KRT8: variants seen among roughly 807,000 people sequenced by gnomAD.
The protein encoded by KRT8 is keratin, type II cytoskeletal 8.
Under a neutral mutation model 43.0 loss-of-function variants are expected in KRT8, and 24 were observed. That is an observed-to-expected ratio of 0.56 (90% CI 0.40 to 0.78). The LOEUF is 0.78. Ranked by LOEUF, KRT8 falls within the 30% of genes least tolerant of loss-of-function variation. The pLI, the probability that KRT8 is intolerant of heterozygous loss-of-function variation, is 0.00. For missense variants in KRT8, 492 were observed against 638.4 expected (o/e 0.77, Z 2.47); for synonymous variants, 214 against 261.2 (o/e 0.82, Z 1.74).
chr12:52,908,823 A>T (rs1040936500), upstream of KRT8, among the ~76,000 whole-genome samples: 1 of 152,108 alleles, frequency 6.6e-6, no homozygotes, highest in African/African-American at 2.4e-5. Context: ...TGAGCAACAT[A>T]ATGAGACCCC....
chr12:52,902,374 C>G lies in KRT8; in HGVS notation c.325-302G>C, dbSNP rs544325929. On this transcript the variant is annotated intron_variant, in intron 1 of 7. Transcript: ENST00000692008. ...CTTCATTTACATAGGTTGTATATTA[C>G]ACATCAATAAAAATAGCCAAGCTTT... is the stretch of plus-strand genomic sequence containing the variant. Among the ~76,000 whole-genome samples the G allele has an allele frequency of 2.3e-3, 356 of 152,264 alleles. 1 individual carries two copies. The highest frequency in any genetic ancestry group is 7.8e-3 in the African/African-American group (326 of 41,580).
intron 7 of KRT8, 115 bp from the exon 8 acceptor site, chr12:52,897,733 C>T: frequency 7.0e-7 from 1 of 1,424,872 alleles, no homozygotes; most frequent in East Asian, 2.3e-5. Context: ...GTTAACCCAG[C>T]TCTGCCTGAT....
At chr12:52,943,252 G>A (rs762119639) in intron 2 of KRT8, among the ~76,000 whole-genome samples, 29 of 151,996 alleles carry the variant, frequency 1.9e-4, no homozygotes, top group Middle Eastern at 6.3e-3. Flanking sequence ...CCTCCACTTG[G>A]TCCTCTCTCT....
chr12:52,942,072 TCTC>T, intron 2 of KRT8, among the ~76,000 whole-genome samples: 1 of 152,204 alleles, frequency 6.6e-6, no homozygotes. Context: ...CTAATAATAA[TCTC>T]CTTGATTATT....
intron 2 of KRT8, among the ~76,000 whole-genome samples, chr12:52,918,045 AAGAAGAGGAAGAAGAAGG>A (rs1565725317): frequency 1.8e-4 from 26 of 143,164 alleles, no homozygotes; most frequent in Non-Finnish European, 4.0e-4. Context: ...GGAGAAGAAG[AAGAAGAGGAAGAAGAAGG>A]AGAAGAAGAA....
chr12:52,920,949 A>G (rs2682338), intron 2 of KRT8, among the ~76,000 whole-genome samples: 115,416 of 152,194 alleles, frequency 0.76, 44,724 homozygotes, highest in African/African-American at 0.92. Context: ...TCAGCTAAAG[A>G]AAAGACCTGC....
upstream of KRT8, among the ~76,000 whole-genome samples, chr12:52,905,721 G>GCA (rs746497497): frequency 9.4e-4 from 135 of 143,268 alleles, no homozygotes; most frequent in Middle Eastern, 7.4e-3. Flanking sequence ...CATCACACGC[G>GCA]CACACACACA....
In KRT8 at chr12:52,904,452, C is replaced by G. The variant is rs2070911; in HGVS notation, c.324+206G>C. On this transcript the variant is annotated intron_variant, in intron 1 of 7. Transcript: ENST00000692008. ...GAAGAAGGAAGCCCCAGGATTCATC[C>G]CGGCTGTCCAGACCCTCTCCCCACC... Among the ~76,000 whole-genome samples, 1,139 of 152,250 alleles carry G rather than the reference C, an allele frequency of 7.5e-3. 45 individuals are homozygous for G. The East Asian group carries it at 0.099, about 13-fold the overall frequency.
At chr12:52,899,093 T>C in intron 5 of KRT8, 194 bp from the exon 6 acceptor site, 1 of 612,916 alleles carries the variant, frequency 1.6e-6, no homozygotes, top group South Asian at 1.8e-5. Context: ...GGCGGGCAGA[T>C]CACAAGGTCA....
intron 1 of KRT8, among the ~76,000 whole-genome samples, chr12:52,903,002 A>T (rs1941412893): frequency 6.6e-6 from 1 of 152,140 alleles, no homozygotes; most frequent in East Asian, 2.0e-4. Flanking sequence ...ACAGAGTGAG[A>T]CTCTGTCTCA....
intron 2 of KRT8, chr12:52,948,896 G>A (rs115941399): frequency 4.6e-6 from 2 of 430,744 alleles, no homozygotes; most frequent in African/African-American, 4.1e-5. Flanking sequence ...AACAACACCT[G>A]CTGTCCGTGT....
chr12:52,933,347 A>C (rs1942115313), intron 2 of KRT8, among the ~76,000 whole-genome samples: 2 of 152,338 alleles, frequency 1.3e-5, no homozygotes, highest in African/African-American at 4.8e-5. Context: ...ATATCTTCCA[A>C]TCAAACTAAC....
chr12:52,897,439 G>A, exon 8 of KRT8: 5 of 1,599,364 alleles, frequency 3.1e-6, no homozygotes, highest in African/African-American at 1.3e-5. Context: ...CACTTGGGCA[G>A]GACGTCAGAG....
Position 52,897,638 on chromosome 12 carries a change from G to C in KRT8, c.1262-20C>G. 1 of 1,597,916 alleles carries C rather than the reference G, an allele frequency of 6.3e-7. No individual in the cohort carries two copies. ...GACCACCTGGTGAGGGACAGAGGTA[G>C]CCACATGAGTACAGAAGCCCACCCC... On this transcript the variant is annotated intron_variant, in intron 7 of 7. Coordinates refer to ENST00000692008, the Ensembl canonical transcript of KRT8.
At chr12:52,916,640 C>G (rs1179245107) in intron 2 of KRT8, among the ~76,000 whole-genome samples, 1 of 152,188 alleles carries the variant, frequency 6.6e-6, no homozygotes, top group Non-Finnish European at 1.5e-5. Flanking sequence ...TATAGACCCT[C>G]CCCTGAACAT....
intron 2 of KRT8, among the ~76,000 whole-genome samples, chr12:52,934,646 A>G (rs985538375): frequency 1.3e-5 from 2 of 152,172 alleles, no homozygotes; most frequent in Admixed American, 1.3e-4. Context: ...ATAAAGCTGC[A>G]GTAATCAAGA....
intron 2 of KRT8, among the ~76,000 whole-genome samples, chr12:52,938,356 G>A (rs1388423954): frequency 6.6e-6 from 1 of 150,782 alleles, no homozygotes. Flanking sequence ...TAGTAGAGCT[G>A]GGATTTTGCT....
At chr12:52,949,380 G>A (rs763320997) in intron 2 of KRT8, 2 of 1,610,828 alleles carry the variant, frequency 1.2e-6, no homozygotes, top group East Asian at 4.5e-5. Flanking sequence ...GGATAGCCGG[G>A]GGTCTGGCAG....
chr12:52,926,391 C>T, intron 2 of KRT8: 1 of 1,531,794 alleles, frequency 6.5e-7, no homozygotes, highest in Non-Finnish European at 8.7e-7. Flanking sequence ...TCCTTGTCAC[C>T]TGCACCTGTT....
Sources: gnomAD v4.1 joint callset for allele counts (sites outside exome capture counted in the v4.1 genomes callset) on GRCh38, gnomAD v4.1.1 for gene constraint, MANE v1.5 for transcripts, NCBI Gene and HGNC (gene_info 2026-07-23, HGNC 2026-07-21) for gene names.